Variants in CAMK1D observed in about 807,000 individuals in gnomAD.
CAMK1D encodes calcium/calmodulin dependent protein kinase ID, also known as calcium/calmodulin-dependent protein kinase type 1D.
Under a neutral mutation model 47.7 loss-of-function variants are expected in CAMK1D, and 9 were observed. That is an observed-to-expected ratio of 0.19 (90% confidence interval 0.11 to 0.33). CAMK1D has a LOEUF of 0.33. Ranked by LOEUF, CAMK1D falls within the 10% of genes least tolerant of loss-of-function variation. CAMK1D has a pLI of 1.00. For synonymous variants in CAMK1D, 184 were observed against 184.9 expected, an observed-to-expected ratio of 0.99 and a Z score of 0.04; for missense variants, 291 against 488.7, an observed-to-expected ratio of 0.60 and a Z score of 3.81.
rs148577895 is a variant in CAMK1D, at chr10:12,458,430, T to G, written c.93-94795T>G. On this transcript the variant is annotated intron_variant, in intron 1 of 10. Transcript: ENST00000619168. ...CAAACAGTATTTTTTTAATTTTATT[T>G]TTTAAAGACAGGGTCTTGCACTGTC... is the stretch of plus-strand genomic sequence containing the variant. Among the ~76,000 whole-genome samples the G allele has an allele frequency of 1.6e-3, 240 of 147,652 alleles. 1 individual carries two copies. Among genetic ancestry groups the G allele is most frequent in the African/African-American group, 5.7e-3 (231 of 40,784 alleles).
chr10:12,715,707 T>A (rs1356083293), intron 3 of CAMK1D, among the ~76,000 whole-genome samples: 1 of 148,742 alleles, frequency 6.7e-6, no homozygotes, highest in Non-Finnish European at 1.5e-5. Context: ...GGGGGAGAAG[T>A]GTGGGATGGC....
chr10:12,801,805 A>G (rs775090184), intron 6 of CAMK1D, among the ~76,000 whole-genome samples: 1 of 152,186 alleles, frequency 6.6e-6, no homozygotes, highest in South Asian at 2.1e-4. Flanking sequence ...TACATGACAT[A>G]TGTTCCAATA....
chr10:12,530,615 G>T (rs991751017), intron 1 of CAMK1D, among the ~76,000 whole-genome samples: 1 of 152,162 alleles, frequency 6.6e-6, no homozygotes, highest in Non-Finnish European at 1.5e-5. Context: ...GAGAATTGAC[G>T]GGGATTCCAG....
chr10:12,468,703 C>T (rs1014648246), intron 1 of CAMK1D, among the ~76,000 whole-genome samples: 1 of 152,176 alleles, frequency 6.6e-6, no homozygotes, highest in Non-Finnish European at 1.5e-5. Flanking sequence ...CCCTCCAGCC[C>T]ATGTGATGGG....
chr10:12,557,178 A>G (rs1437189390), intron 2 of CAMK1D, among the ~76,000 whole-genome samples: 1 of 152,186 alleles, frequency 6.6e-6, no homozygotes, highest in East Asian at 1.9e-4. Context: ...AGAGAGGTCC[A>G]GTTGACTGTC....
At chr10:12,474,863 C>T (rs1287927380) in intron 1 of CAMK1D, among the ~76,000 whole-genome samples, 1 of 106,044 alleles carries the variant, frequency 9.4e-6, no homozygotes, top group Non-Finnish European at 2.0e-5. Flanking sequence ...TTTTGCGTTC[C>T]TGCATTTTTT....
chr10:12,436,461 G>A (rs1443735657), intron 1 of CAMK1D, among the ~76,000 whole-genome samples: 3 of 152,242 alleles, frequency 2.0e-5, no homozygotes, highest in African/African-American at 7.2e-5. Flanking sequence ...CATTATTCTG[G>A]ATTTTATTGA....
At chr10:12,694,104 A>G (rs1352482218) in intron 3 of CAMK1D, among the ~76,000 whole-genome samples, 1 of 59,296 alleles carries the variant, frequency 1.7e-5, no homozygotes, top group Non-Finnish European at 2.8e-5. Context: ...ATTATATAAT[A>G]TATAATATAT....
chr10:12,515,416 TTC>T (rs1291148844), intron 1 of CAMK1D, among the ~76,000 whole-genome samples: 45 of 91,444 alleles, frequency 4.9e-4, no homozygotes, highest in African/African-American at 1.1e-3. Context: ...TTTTTTTTTT[TTC>T]TTTTTTTTTT....
rs553333737 is a variant in CAMK1D, at chr10:12,553,306, G to T, written c.174G>T (p.Ala58=). The change falls in exon 2 of 11, where the codon GCG becomes GCT. Residue 58 remains alanine (A), a synonymous_variant. Coordinates refer to ENST00000619168, the MANE Select transcript of CAMK1D (RefSeq NM_153498.4). ...CTGTGAAGTGTATCCCTAAGAAGGC[G>T]CTGAAGGGCAAGGAAAGCAGCATAG... ...LFAVKCIPKK[A]LKGKESSIEN... 6.2e-7 allele frequency: 1 copy of T among 1,614,178 alleles called. No homozygotes were observed. The highest frequency in any genetic ancestry group is 1.1e-5 in the South Asian group (1 of 91,080).
intron 6 of CAMK1D, among the ~76,000 whole-genome samples, chr10:12,793,367 T>TA (rs1838064426): frequency 6.6e-6 from 1 of 152,228 alleles, no homozygotes; most frequent in East Asian, 1.9e-4. Context: ...TCCCTGAAGT[T>TA]ACAGCCTTGG....
intron 1 of CAMK1D, among the ~76,000 whole-genome samples, chr10:12,493,138 A>T (rs565028581): frequency 2.0e-5 from 3 of 152,296 alleles, no homozygotes; most frequent in South Asian, 4.1e-4. Flanking sequence ...GTTTCTAGAA[A>T]CAACCCTCTG....
At chr10:12,663,880 A>G (rs1465228450) in intron 2 of CAMK1D, among the ~76,000 whole-genome samples, 1 of 152,168 alleles carries the variant, frequency 6.6e-6, no homozygotes, top group East Asian at 1.9e-4. Flanking sequence ...AAGCAATGTG[A>G]GGGTGGAATA....
chr10:12,529,410 G>T (rs2768462), intron 1 of CAMK1D, among the ~76,000 whole-genome samples: 1,723 of 152,264 alleles, frequency 0.011, 28 homozygotes, highest in African/African-American at 0.039. Flanking sequence ...AATCACCATG[G>T]AGTGTCTCGT....
rs533638355 is a variant in CAMK1D at position 12,409,042 on chromosome 10, A to G, written c.92+59132A>G. ...TGGCTAATACTTGTACTTTTAGTAG[A>G]GACGGAGTTTCGCCATGTTGGCCAG... is the stretch of plus-strand genomic sequence containing the variant. On this transcript the variant is annotated intron_variant, in intron 1 of 10. Transcript: ENST00000619168. Among the ~76,000 whole-genome samples, 26 of 152,026 alleles carry G rather than the reference A, an allele frequency of 1.7e-4. No individual in the cohort carries two copies. The South Asian group carries it at 5.4e-3, about 32-fold the overall frequency.
rs540081967 is a variant in CAMK1D, at chr10:12,768,069, C to T, written c.439-1604C>T. ...TGTATTTTTAGTAGAGACGGGGTTT[C>T]GCCATGTTGATCAGGCTGGTCTTGG... is the stretch of plus-strand genomic sequence containing the variant. On this transcript the variant is annotated intron_variant, in intron 4 of 10. Transcript: ENST00000619168. Among the ~76,000 whole-genome samples the T allele has an allele frequency of 3.3e-4, 51 of 152,246 alleles. No individual in the cohort carries two copies. The South Asian group carries it at 5.8e-3, about 17-fold the overall frequency.
Position 12,828,970 on chromosome 10 carries a change from AC to A in CAMK1D, c.*87del. ...CAGAGCCGCGAGCCACTCCAGCGAG[AC>A]CCCACCTTGCATGGTGCCCCTTCCT... On this transcript the variant is annotated 3_prime_UTR_variant, in exon 11 of 11. Coordinates refer to ENST00000619168, the MANE Select transcript of CAMK1D (RefSeq NM_153498.4). The A allele has an allele frequency of 1.0e-6, 1 of 1,001,704 alleles. No homozygotes were observed. 62.1% of individuals were successfully genotyped at this position (1,001,704 alleles called of 1,614,324 possible).
intron 3 of CAMK1D, among the ~76,000 whole-genome samples, chr10:12,714,238 CATATT>C (rs1308630016): frequency 1.3e-5 from 2 of 152,132 alleles, no homozygotes; most frequent in African/African-American, 4.8e-5. Flanking sequence ...TAGGCATAGA[CATATT>C]ATATCTTTAG....
intron 1 of CAMK1D, among the ~76,000 whole-genome samples, chr10:12,543,668 C>A (rs1228817091): frequency 6.6e-6 from 1 of 152,092 alleles, no homozygotes; most frequent in Non-Finnish European, 1.5e-5. Flanking sequence ...TGTTTTTAGC[C>A]AAGGCATCCT....
Sources: allele counts gnomAD v4.1 joint callset (sites outside exome capture counted in the v4.1 genomes callset), GRCh38; gene constraint gnomAD v4.1.1; transcripts MANE v1.5; gene names NCBI Gene and HGNC (gene_info 2026-07-23, HGNC 2026-07-21).